PARD3: variants seen among roughly 807,000 people sequenced by gnomAD.
PARD3 encodes the protein partitioning defective 3 homolog.
PARD3 carries 75 observed loss-of-function variants against 155.4 expected under a neutral mutation model. The observed-to-expected ratio is 0.48, with a 90% CI of 0.40 to 0.58. PARD3 has a LOEUF of 0.58. Among genes scored for constraint, PARD3 ranks in the 20% least tolerant of loss-of-function variants. PARD3 has a pLI of 0.00. For synonymous variants in PARD3, 576 were observed against 610.5 expected, an observed-to-expected ratio of 0.94 and a Z score of 0.83; for missense variants, 1,642 against 1,721.7, an observed-to-expected ratio of 0.95 and a Z score of 0.82.
Position 34,337,190 on chromosome 10 carries a change from A to AC in PARD3, c.2560+84_2560+85insG, listed in dbSNP as rs1266759760. ...TTTATTTTCTCTATTGCTCAAAGTA[A>AC]ACAGACATCTGCTTGGGACCATCAA... On this transcript the variant is annotated intron_variant, in intron 17 of 24. Transcript: ENST00000374788. 4.8e-6 allele frequency: 4 copies of AC among 841,104 alleles called. No homozygotes were observed. The African/African-American group carries it at 7.0e-5, about 15-fold the overall frequency. 52.1% of individuals were successfully genotyped at this position (841,104 alleles called of 1,614,324 possible).
intron 3 of PARD3, among the ~76,000 whole-genome samples, chr10:34,485,328 ACT>A (rs1235820834): frequency 7.4e-6 from 1 of 135,806 alleles, no homozygotes; most frequent in Non-Finnish European, 1.5e-5. Flanking sequence ...ACAGAGCAAG[ACT>A]CTGTCTCAAA....
At position 34,313,570 on chromosome 10, in the gene PARD3, C is replaced by G. The variant is rs75000947; in HGVS notation, c.3065+3537G>C. ...ATAATTAAATCATCTTTGTGACTAC[C>G]ATTCAATGTGTCAAACAGAAAACCA... is the stretch of plus-strand genomic sequence containing the variant. On this transcript the variant is annotated intron_variant, in intron 20 of 24. Transcript: ENST00000374788. Among the ~76,000 whole-genome samples, 80 of 152,238 alleles carry G rather than the reference C, an allele frequency of 5.3e-4. 1 individual carries two copies. The East Asian group carries it at 0.015, about 28-fold the overall frequency.
chr10:34,248,497 C>T (rs1954099874), intron 22 of PARD3, among the ~76,000 whole-genome samples: 1 of 152,210 alleles, frequency 6.6e-6, no homozygotes, highest in African/African-American at 2.4e-5. Context: ...CAGGACACAG[C>T]TGACATATGG....
chr10:34,284,214 C>T lies in PARD3; in HGVS notation c.3097G>A (p.Glu1033Lys), dbSNP rs1956282930. Residue 1033 changes from glutamate to lysine, a missense_variant, in exon 21 of 25, where the codon GAG becomes AAG. Physicochemically the swap from Glu to Lys is moderately conservative, Grantham distance 56 (BLOSUM62 1). This residue lies in a region of PARD3 where 1,529 missense variants were observed against 1,587.3 expected (regional missense o/e 0.96). Coordinates refer to ENST00000374788, the MANE Select transcript of PARD3 (RefSeq NM_001184785.2). ...FGKHRKDDKI[E>K]KTGKIKIQES... ...TGTATTTTTATTTTACCCGTTTTCT[C>T]AATCTTGTCATCTTTTCGATGTTTG... The T allele has an allele frequency of 6.2e-7, 1 of 1,609,778 alleles. No homozygotes were observed. The highest frequency in any genetic ancestry group is 1.3e-5 in the African/African-American group (1 of 74,714).
rs141404267 is a variant in PARD3 at position 34,344,517 on chromosome 10, G to C, written c.2219-2701C>G. 109 of 849,618 alleles carry C rather than the reference G, an allele frequency of 1.3e-4. No individual in the cohort carries two copies. The African/African-American group carries it at 1.9e-3, about 15-fold the overall frequency. The allele number at this position is 849,618 out of a possible 1,614,324, so 52.6% of individuals were successfully genotyped here. A position where few individuals can be genotyped will look rare whatever the true frequency, so the allele number is the denominator to read the frequency against. On this transcript the variant is annotated intron_variant, in intron 15 of 24. Coordinates refer to ENST00000374788, the MANE Select transcript of PARD3 (RefSeq NM_001184785.2). The stretch of plus-strand genomic sequence containing the variant: ...GGCTGGTCTTAAACTCCTGACCTCA[G>C]TTGATCCACCTGCCTGGGCCTCCCA...
chr10:34,521,908 AT>A (rs1367217992), intron 2 of PARD3, among the ~76,000 whole-genome samples: 1 of 152,172 alleles, frequency 6.6e-6, no homozygotes, highest in Non-Finnish European at 1.5e-5. Flanking sequence ...CTCTGACCTT[AT>A]TTTTTGGGTA....
At chr10:34,631,730 T>G (rs1037186546) in intron 2 of PARD3, among the ~76,000 whole-genome samples, 1 of 152,190 alleles carries the variant, frequency 6.6e-6, no homozygotes, top group African/African-American at 2.4e-5. Flanking sequence ...CCTGAGTAGC[T>G]GAGACTATAT....
chr10:34,765,413 C>T (rs2134048243), intron 1 of PARD3, among the ~76,000 whole-genome samples: 1 of 152,154 alleles, frequency 6.6e-6, no homozygotes, highest in African/African-American at 2.4e-5. Context: ...TGCAGTGGCT[C>T]ACACCTGTAA....
At chr10:34,254,393 AAACAAAAACAAAAAC>A (rs1177281423) in intron 22 of PARD3, among the ~76,000 whole-genome samples, 4 of 91,668 alleles carry the variant, frequency 4.4e-5, no homozygotes, top group African/African-American at 2.2e-4. Context: ...ACAAAAACAA[AAACAAAAACAAAAAC>A]AAACAAAAAA....
rs1053769681 is a variant in PARD3, at chr10:34,503,268, G to C, written c.403+13711C>G. ...TGTTTTAAATAACAAATTAACGAAT[G>C]AGTCGGCCATGGCTCAAAATGACAT... On this transcript the variant is annotated intron_variant, in intron 3 of 24. Coordinates refer to ENST00000374788, the MANE Select transcript of PARD3 (RefSeq NM_001184785.2). Among the ~76,000 whole-genome samples the C allele has an allele frequency of 3.3e-4, 50 of 152,116 alleles. 1 individual carries two copies. Among genetic ancestry groups the C allele is most frequent in the Admixed American group, 3.1e-3 (48 of 15,274 alleles).
intron 1 of PARD3, among the ~76,000 whole-genome samples, chr10:34,759,075 G>A (rs59132163): frequency 0.024 from 3,600 of 151,860 alleles, 146 homozygotes; most frequent in African/African-American, 0.083. Flanking sequence ...AAAATTAAAT[G>A]GCTTCCAGTA....
At chr10:34,351,268 T>G (rs1838050887) in intron 14 of PARD3, among the ~76,000 whole-genome samples, 1 of 152,208 alleles carries the variant, frequency 6.6e-6, no homozygotes, top group African/African-American at 2.4e-5. Flanking sequence ...TTTAGCATAT[T>G]GTATTTTATC....
At chr10:34,507,595 C>T (rs1191610257) in intron 3 of PARD3, among the ~76,000 whole-genome samples, 8 of 148,384 alleles carry the variant, frequency 5.4e-5, no homozygotes, top group Non-Finnish European at 4.5e-5. Context: ...CAAAAAGCAC[C>T]AAAGATATAA....
intron 20 of PARD3, among the ~76,000 whole-genome samples, chr10:34,316,624 A>C (rs1958022080): frequency 6.6e-6 from 1 of 152,220 alleles, no homozygotes; most frequent in African/African-American, 2.4e-5. Flanking sequence ...ACCATTGTTC[A>C]CACACAAAAA....
At chr10:34,196,948 C>G (rs182504513) in intron 22 of PARD3, among the ~76,000 whole-genome samples, 1 of 152,112 alleles carries the variant, frequency 6.6e-6, no homozygotes, top group African/African-American at 2.4e-5. Flanking sequence ...TTGATACTGG[C>G]GTTACTATGA....
At chr10:34,240,476 A>G (rs936695249) in intron 22 of PARD3, among the ~76,000 whole-genome samples, 2 of 152,214 alleles carry the variant, frequency 1.3e-5, no homozygotes, top group Admixed American at 6.5e-5. Flanking sequence ...GCTTTAGTCA[A>G]AGGGATCATT....
chr10:34,388,865 C>G (rs1245746665), intron 7 of PARD3, among the ~76,000 whole-genome samples: 2 of 152,120 alleles, frequency 1.3e-5, no homozygotes, highest in African/African-American at 2.4e-5. Flanking sequence ...AGCAGAACAA[C>G]CCCAGATTTG....
intron 7 of PARD3, among the ~76,000 whole-genome samples, chr10:34,390,088 C>G (rs1842740662): frequency 6.6e-6 from 1 of 151,958 alleles, no homozygotes; most frequent in Admixed American, 6.5e-5. Flanking sequence ...ATTGATTCAG[C>G]AAATAAAGTT....
At chr10:34,351,295 G>C (rs1199558130) in intron 14 of PARD3, among the ~76,000 whole-genome samples, 1 of 152,110 alleles carries the variant, frequency 6.6e-6, no homozygotes, top group Non-Finnish European at 1.5e-5. Context: ...GCCTAGCGTA[G>C]AGCAGGCACT....
Sources: gnomAD v4.1 joint callset for allele counts (sites outside exome capture counted in the v4.1 genomes callset) on GRCh38, gnomAD v4.1.1 for gene constraint, gnomAD v4.1.1 regional missense constraint, MANE v1.5 for transcripts, NCBI Gene and HGNC (gene_info 2026-07-23, HGNC 2026-07-21) for gene names.